Variants in GBE1 observed in about 807,000 individuals in gnomAD.
GBE1 encodes the protein 1,4-alpha-glucan branching enzyme 1, also known as 1,4-alpha-glucan-branching enzyme.
In GBE1, 70 loss-of-function variants were observed where a neutral mutation model predicts 88.8. The observed-to-expected ratio is 0.79, with a 90% CI of 0.65 to 0.96. The LOEUF (loss-of-function observed/expected upper bound fraction) is 0.96, where lower values mean the gene tolerates loss of function less well. Among genes scored for constraint, GBE1 ranks in the 40% least tolerant of loss-of-function variants. The pLI, the probability that GBE1 is intolerant of heterozygous loss-of-function variation, is 0.00. For missense variants in GBE1, 872 were observed against 871.0 expected (o/e 1.00, Z -0.01); for synonymous variants, 284 against 300.1 (o/e 0.95, Z 0.56).
intron 2 of GBE1, among the ~76,000 whole-genome samples, chr3:81,691,108 A>G (rs1181548568): frequency 6.6e-6 from 1 of 152,172 alleles, no homozygotes; most frequent in Non-Finnish European, 1.5e-5. Flanking sequence ...TCTGCTTGCA[A>G]CAAGGGACTC....
intron 14 of GBE1, among the ~76,000 whole-genome samples, chr3:81,506,687 G>A (rs1370589112): frequency 6.6e-6 from 1 of 152,134 alleles, no homozygotes; most frequent in Admixed American, 6.6e-5. Flanking sequence ...ACCAATGACA[G>A]ACTAGATAAA....
intron 2 of GBE1, among the ~76,000 whole-genome samples, chr3:81,680,817 G>C (rs1369051380): frequency 6.6e-6 from 1 of 152,210 alleles, no homozygotes; most frequent in Non-Finnish European, 1.5e-5. Flanking sequence ...TCTGTCTCTT[G>C]GTCATGTGAG....
intron 1 of GBE1, among the ~76,000 whole-genome samples, chr3:81,748,028 G>C (rs1465210566): frequency 6.6e-6 from 1 of 152,182 alleles, no homozygotes; most frequent in Non-Finnish European, 1.5e-5. Flanking sequence ...GTTGAAGCAG[G>C]AGAATCATTT....
At chr3:81,497,786 G>A (rs1325440785) in intron 15 of GBE1, among the ~76,000 whole-genome samples, 1 of 152,104 alleles carries the variant, frequency 6.6e-6, no homozygotes, top group Non-Finnish European at 1.5e-5. Context: ...CCCTTTGTGA[G>A]CTGAATCATC....
chr3:81,534,295 A>G (rs996732042), intron 14 of GBE1, among the ~76,000 whole-genome samples: 6 of 151,900 alleles, frequency 3.9e-5, no homozygotes, highest in African/African-American at 1.5e-4. Context: ...AATGCCTAAT[A>G]TTTATCTTCT....
intron 12 of GBE1, among the ~76,000 whole-genome samples, chr3:81,570,079 G>A (rs1703552220): frequency 6.6e-6 from 1 of 151,962 alleles, no homozygotes. Context: ...CAAAGTGCTG[G>A]GATTACAGGT....
chr3:81,754,514 C>CAAAAAAAAAAAAAAGA (rs61660989), intron 1 of GBE1, among the ~76,000 whole-genome samples: 1 of 79,374 alleles, frequency 1.3e-5, no homozygotes, highest in African/African-American at 5.2e-5. Flanking sequence ...TAAATCTTAG[C>CAAAAAAAAAAAAAAGA]AAAAAAAAAA....
intron 1 of GBE1, among the ~76,000 whole-genome samples, chr3:81,740,723 T>A (rs1404901399): frequency 1.3e-5 from 2 of 150,876 alleles, no homozygotes; most frequent in Non-Finnish European, 2.9e-5. Flanking sequence ...AATCTGGAAA[T>A]TACAACAAAC....
chr3:81,581,148 T>C lies in GBE1; in HGVS notation c.1446+17A>G. The C allele has an allele frequency of 2.8e-6, 4 of 1,425,330 alleles. No individual in the cohort carries two copies. The highest frequency in any genetic ancestry group is 3.9e-6 in the Non-Finnish European group (4 of 1,016,056). 88.3% of individuals were successfully genotyped at this position (1,425,330 alleles called of 1,614,324 possible). On this transcript the variant is annotated intron_variant, in intron 11 of 15. Coordinates refer to ENST00000429644, the MANE Select transcript of GBE1 (RefSeq NM_000158.4). ...AGAGAGAGAGAAATAAATGAATTTA[T>C]GCACATATTCATTTACCTGATCATG...
chr3:81,496,377 C>G (rs546304726), intron 15 of GBE1, among the ~76,000 whole-genome samples: 1 of 152,298 alleles, frequency 6.6e-6, no homozygotes, highest in East Asian at 1.9e-4. Flanking sequence ...AAGATTCCTT[C>G]GGGCTGTTTG....
chr3:81,611,766 A>C (rs1704185461), intron 7 of GBE1, among the ~76,000 whole-genome samples: 1 of 152,200 alleles, frequency 6.6e-6, no homozygotes, highest in African/African-American at 2.4e-5. Flanking sequence ...AAGCTGATAA[A>C]GAGGGCATGT....
intron 7 of GBE1, among the ~76,000 whole-genome samples, chr3:81,639,588 A>G (rs1352456470): frequency 6.6e-6 from 1 of 152,178 alleles, no homozygotes; most frequent in Non-Finnish European, 1.5e-5. Flanking sequence ...GTTTTATTAG[A>G]TAAACTAACA....
chr3:81,600,707 C>T (rs1704020954), intron 7 of GBE1, among the ~76,000 whole-genome samples: 1 of 152,044 alleles, frequency 6.6e-6, no homozygotes, highest in African/African-American at 2.4e-5. Flanking sequence ...GAAAACACTA[C>T]TATAATGTAT....
chr3:81,518,060 T>C (rs987540973), intron 14 of GBE1, among the ~76,000 whole-genome samples: 1 of 151,366 alleles, frequency 6.6e-6, no homozygotes, highest in South Asian at 2.1e-4. Flanking sequence ...TAAAAATTGA[T>C]GAAAATGATC....
At chr3:81,608,940 T>C (rs943423186) in intron 7 of GBE1, among the ~76,000 whole-genome samples, 1 of 152,132 alleles carries the variant, frequency 6.6e-6, no homozygotes, top group African/African-American at 2.4e-5. Context: ...AAGGAAACGT[T>C]GACTCAAAGA....
intron 7 of GBE1, among the ~76,000 whole-genome samples, chr3:81,632,373 C>T (rs1704526716): frequency 6.6e-6 from 1 of 152,000 alleles, no homozygotes; most frequent in Non-Finnish European, 1.5e-5. Flanking sequence ...AAAAAACAAA[C>T]AACCCCATCA....
intron 1 of GBE1, among the ~76,000 whole-genome samples, chr3:81,750,589 GTATATA>G (rs1225112913): frequency 3.2e-5 from 1 of 30,820 alleles, no homozygotes; most frequent in African/African-American, 2.0e-4. Flanking sequence ...ATATATATAC[GTATATA>G]TATATGTGTA....
chr3:81,744,221 T>C (rs1442835822), intron 1 of GBE1, among the ~76,000 whole-genome samples: 5 of 152,170 alleles, frequency 3.3e-5, no homozygotes, highest in Non-Finnish European at 7.4e-5. Context: ...AGATGTGCTA[T>C]AAGTGTAAAA....
intron 1 of GBE1, among the ~76,000 whole-genome samples, chr3:81,750,321 G>C (rs888236481): frequency 6.6e-6 from 1 of 151,524 alleles, no homozygotes; most frequent in Non-Finnish European, 1.5e-5. Context: ...TCATAAGCTT[G>C]TGTGTAGTTA....
Sources: allele counts gnomAD v4.1 joint callset (sites outside exome capture counted in the v4.1 genomes callset), GRCh38; gene constraint gnomAD v4.1.1; transcripts MANE v1.5; gene names NCBI Gene and HGNC (gene_info 2026-07-23, HGNC 2026-07-21).